The following SATB1 variants were observed in gnomAD, a reference collection of about 807,000 sequenced individuals.
The protein encoded by SATB1 is SATB homeobox 1.
A neutral mutation model predicts 86.9 loss-of-function variants in SATB1; 11 were observed. The observed-to-expected ratio is 0.13, with a 90% CI of 0.08 to 0.21. The LOEUF is 0.21. SATB1 is among the 10% of genes least tolerant of loss of function. The probability of loss-of-function intolerance (pLI) is 1.00; values close to 1 mark genes in which losing one functional copy is unlikely to be tolerated. For synonymous variants in SATB1, 357 were observed against 357.2 expected (o/e 1.00, Z 0.01); for missense variants, 551 against 937.6 (o/e 0.59, Z 5.39).
intron 6 of SATB1, among the ~76,000 whole-genome samples, chr3:18,395,867 G>A (rs1055860313): frequency 3.3e-5 from 5 of 152,166 alleles, no homozygotes; most frequent in East Asian, 1.9e-4. Context: ...AGAGGAGACT[G>A]GTTCGATGCT....
intron 4 of SATB1, 27 bp downstream of exon 4, chr3:18,415,980 C>G (rs1367418347): frequency 6.5e-7 from 1 of 1,540,434 alleles, no homozygotes; most frequent in South Asian, 1.2e-5. Context: ...AAGAATGTTT[C>G]ACCCTAGATT....
chr3:18,391,121 A>G (rs13097287), intron 7 of SATB1, among the ~76,000 whole-genome samples: 29,789 of 152,118 alleles, frequency 0.2, 3,602 homozygotes, highest in Non-Finnish European at 0.26. Flanking sequence ...GTAGGCTTAA[A>G]AAAAAACCCA....
intron 9 of SATB1, among the ~76,000 whole-genome samples, chr3:18,355,827 C>T (rs950579856): frequency 2.6e-5 from 4 of 151,718 alleles, no homozygotes; most frequent in Non-Finnish European, 5.9e-5. Flanking sequence ...ATAATGAGAC[C>T]GATCCATTCT....
At chr3:18,391,254 A>G (rs557142033) in intron 7 of SATB1, among the ~76,000 whole-genome samples, 2 of 152,324 alleles carry the variant, frequency 1.3e-5, no homozygotes, top group East Asian at 3.9e-4. Context: ...TTCAATGACT[A>G]AAATAACCCT....
At chr3:18,443,440 C>CCAA (rs1699292760), upstream of SATB1, among the ~76,000 whole-genome samples, 1 of 152,226 alleles carries the variant, frequency 6.6e-6, no homozygotes, top group Non-Finnish European at 1.5e-5. This position sits in a 1 kb window ranked among gnomAD's most constrained non-coding sequence, Gnocchi z 4.4. Flanking sequence ...TGAGAAAGTT[C>CCAA]GCCAAGGAAG....
At chr3:18,414,700 G>C (rs565224917) in intron 5 of SATB1, among the ~76,000 whole-genome samples, 1 of 152,088 alleles carries the variant, frequency 6.6e-6, no homozygotes, top group East Asian at 1.9e-4. Flanking sequence ...TACTCAGATA[G>C]CACGGTGAAG....
At chr3:18,410,933 G>T in intron 5 of SATB1, 1 of 392,658 alleles carries the variant, frequency 2.5e-6, no homozygotes, top group South Asian at 1.3e-4. Flanking sequence ...CTACGGAAAT[G>T]ACTGTCATGT....
At chr3:18,363,435 G>T (rs1466891388) in intron 9 of SATB1, among the ~76,000 whole-genome samples, 1 of 152,092 alleles carries the variant, frequency 6.6e-6, no homozygotes, top group Non-Finnish European at 1.5e-5. Context: ...ACAATGGCCG[G>T]GTTATAATTT....
At chr3:18,415,959 G>C in intron 4 of SATB1, 48 bp downstream of exon 4, 1 of 1,499,868 alleles carries the variant, frequency 6.7e-7, no homozygotes, top group Non-Finnish European at 9.0e-7. Flanking sequence ...CATTTCAAAA[G>C]ACCAGGTAAG....
chr3:18,381,945 A>T (rs1450708305), intron 8 of SATB1, among the ~76,000 whole-genome samples: 1 of 152,296 alleles, frequency 6.6e-6, no homozygotes, highest in South Asian at 2.1e-4. Context: ...AGCCTTTAAA[A>T]GTCTTCCAGC....
chr3:18,378,040 C>A, intron 9 of SATB1, 130 bp downstream of exon 9: 1 of 790,570 alleles, frequency 1.3e-6, no homozygotes, highest in Non-Finnish European at 1.9e-6. Flanking sequence ...CATTTTAGAG[C>A]TCTGGAAATA....
At chr3:18,385,533 G>C (rs1000943130) in intron 8 of SATB1, among the ~76,000 whole-genome samples, 2 of 151,710 alleles carry the variant, frequency 1.3e-5, no homozygotes, top group African/African-American at 2.4e-5. Flanking sequence ...TGAGGCAGGA[G>C]AATGGCGTGA....
chr3:18,425,559 A>C (rs1698655777), upstream of SATB1, among the ~76,000 whole-genome samples: 2 of 150,164 alleles, frequency 1.3e-5, no homozygotes, highest in Non-Finnish European at 3.0e-5. Flanking sequence ...GAGTGAGGGA[A>C]TGGGGGGAGC....
At chr3:18,379,409 C>T (rs949366078) in intron 8 of SATB1, among the ~76,000 whole-genome samples, 1 of 152,166 alleles carries the variant, frequency 6.6e-6, no homozygotes, top group Non-Finnish European at 1.5e-5. Flanking sequence ...AAACTGATCC[C>T]TTAAAGACAT....
rs1487193925 is a variant in SATB1 at position 18,345,808 on chromosome 3, CA to C, written c.*3361del. 1 of 152,044 alleles carries C rather than the reference CA, an allele frequency of 6.6e-6. No individual in the cohort carries two copies. The highest frequency in any genetic ancestry group is 2.4e-5 in the African/African-American group (1 of 41,420). 9.4% of individuals were successfully genotyped at this position (152,044 alleles called of 1,614,324 possible). On this transcript the variant is annotated 3_prime_UTR_variant, in exon 11 of 11. Coordinates refer to ENST00000338745, the MANE Select transcript of SATB1 (RefSeq NM_002971.6). ...TTTTTGAAAATATCACCAGGCAGTTCAGAATGTCTCATTTATTGAGAATATT... is the reference window on the plus strand; with the variant it reads ...TTTTTGAAAATATCACCAGGCAGTTCGAATGTCTCATTTATTGAGAATATT...
intron 2 of SATB1, among the ~76,000 whole-genome samples, chr3:18,418,884 C>T (rs1698247101): frequency 6.6e-6 from 1 of 152,132 alleles, no homozygotes; most frequent in Admixed American, 6.5e-5. Context: ...CAAAACAAAA[C>T]AAAACAAAAC....
intron 8 of SATB1, 126 bp from the exon 9 acceptor site, chr3:18,378,451 A>G: frequency 1.1e-6 from 1 of 871,378 alleles, no homozygotes; most frequent in Non-Finnish European, 1.8e-6. Flanking sequence ...CAGTGCAGTC[A>G]TTCAACATTA....
intron 9 of SATB1, among the ~76,000 whole-genome samples, chr3:18,357,284 T>A (rs1694692503): frequency 6.6e-6 from 1 of 151,844 alleles, no homozygotes. Flanking sequence ...GTGGAAAGCA[T>A]GAATTACATT....
At chr3:18,389,988 A>G (rs1270778995) in intron 7 of SATB1, among the ~76,000 whole-genome samples, 1 of 152,186 alleles carries the variant, frequency 6.6e-6, no homozygotes, top group Non-Finnish European at 1.5e-5. Context: ...AATTTTTTCA[A>G]CTAAAGAATG....
Sources: allele counts gnomAD v4.1 joint callset (sites outside exome capture counted in the v4.1 genomes callset), GRCh38; gene constraint gnomAD v4.1.1; non-coding constraint Gnocchi (gnomAD v3.1); transcripts MANE v1.5; gene names NCBI Gene and HGNC (gene_info 2026-07-23, HGNC 2026-07-21).